The following CEACAM1 variants were observed in gnomAD, a reference collection of about 807,000 sequenced individuals.
CEACAM1 encodes cell adhesion molecule CEACAM1.
In CEACAM1, 31 loss-of-function variants were observed where a neutral mutation model predicts 49.1. The observed-to-expected ratio is 0.63, with a 90% CI of 0.47 to 0.85. The LOEUF (loss-of-function observed/expected upper bound fraction) is 0.85, where lower values mean the gene tolerates loss of function less well. Ranked by LOEUF, CEACAM1 falls within the 40% of genes least tolerant of loss-of-function variation. The pLI is 0.00. For synonymous variants in CEACAM1, 244 were observed against 247.8 expected (o/e 0.98, Z 0.14); for missense variants, 570 against 645.3 (o/e 0.88, Z 1.26).
At chr19:42,524,454 G>C (rs2147804725) in intron 2 of CEACAM1, among the ~76,000 whole-genome samples, 1 of 152,306 alleles carries the variant, frequency 6.6e-6, no homozygotes, top group African/African-American at 2.4e-5. Flanking sequence ...AGAGTGTATG[G>C]AGGAGTCGCT....
intron 5 of CEACAM1, among the ~76,000 whole-genome samples, chr19:42,517,610 A>T (rs1031920534): frequency 2.6e-5 from 4 of 152,240 alleles, no homozygotes; most frequent in Non-Finnish European, 5.9e-5. Context: ...TGCAAATCAA[A>T]ACTCCAATGA....
chr19:42,514,114 C>T (rs887573684), intron 5 of CEACAM1, among the ~76,000 whole-genome samples: 16 of 148,204 alleles, frequency 1.1e-4, no homozygotes, highest in Non-Finnish European at 2.4e-4. Context: ...TGCCACCACA[C>T]CTGGCTAATT....
rs377492728 is a variant in CEACAM1, at chr19:42,527,375, C to T, written c.90G>A (p.Pro30=). ...CAGTAGTGAGCTGGGCAGTGGTGGG[C>T]GGGTTCCAGAAGGTTAGAAGTGAGG... ...LTASLLTFWN[P]PTTAQLTTES... The change falls in exon 2 of 9, where the codon CCG becomes CCA. Residue 30 remains proline, a synonymous_variant. Transcript: ENST00000161559. 1.0e-4 allele frequency: 166 copies of T among 1,606,198 alleles called. 1 individual carries two copies. In the South Asian group the frequency reaches 1.3e-3, roughly 12 times the overall value.
In CEACAM1 at chr19:42,508,798, G is replaced by C. The variant is rs1197081975; in HGVS notation, c.*311C>G. 5.9e-6 allele frequency: 2 copies of C among 340,756 alleles called. No individual in the cohort carries two copies. The highest frequency in any genetic ancestry group is 1.1e-5 in the Non-Finnish European group (2 of 181,548). 21.1% of individuals were successfully genotyped at this position (340,756 alleles called of 1,614,324 possible). ...AGGAATGAGTGCTCTGAACAGGCAA[G>C]TTTAAAACAAGTCCAGGTTGGGAAA... On this transcript the variant is annotated 3_prime_UTR_variant, in exon 9 of 9. Transcript: ENST00000161559.
In CEACAM1 at chr19:42,512,371, A is replaced by G; in HGVS notation, c.1355T>C (p.Leu452Pro). 1 of 1,614,138 alleles carries G rather than the reference A, an allele frequency of 6.2e-7. No individual in the cohort carries two copies. Among genetic ancestry groups the G allele is most frequent in the Non-Finnish European group, 8.5e-7 (1 of 1,179,966 alleles). The change falls in exon 6 of 9, where the codon CTG becomes CCG. Residue 452 changes from leucine to proline, a missense_variant. By Grantham distance (98) the Leu-to-Pro change is moderately conservative. Transcript: ENST00000161559. ...ATACCTGCCGGTCTTCCCGAAATGC[A>G]GAAAACATGCCAGGGCTACTGCTAT... ...ALIAVALACF[L>P]HFGKTGRASD...
In CEACAM1 at chr19:42,522,111, C is replaced by T; in HGVS notation, c.516G>A (p.Gln172=). ...TTATCCACCACAGGTAGGTTGTGTC[C>T]TGAGTCTCAGGTTCACAGGTGAAGG... is the stretch of plus-strand genomic sequence containing the variant. ...AVAFTCEPET[Q]DTTYLWWINN... Residue 172 remains glutamine, a synonymous_variant, in exon 3 of 9, where the codon CAG becomes CAA. Transcript: ENST00000161559. 6.2e-7 allele frequency: 1 copy of T among 1,614,186 alleles called. No homozygotes were observed.
chr19:42,523,104 C>G (rs2041800285), intron 2 of CEACAM1, among the ~76,000 whole-genome samples: 2 of 152,204 alleles, frequency 1.3e-5, no homozygotes. Flanking sequence ...GCCTGACCCA[C>G]CTGTGGGTCC....
chr19:42,509,387 G>A (rs2041400011), intron 8 of CEACAM1, among the ~76,000 whole-genome samples, 159 bp from the exon 9 acceptor site: 1 of 152,146 alleles, frequency 6.6e-6, no homozygotes. Context: ...ACCTCCTGAT[G>A]AATGATCATT....
At position 42,508,527 on chromosome 19, in the gene CEACAM1, G is replaced by A. The variant is rs2041381168; in HGVS notation, c.*582C>T. Reference sequence around the variant, plus strand: ...TTCTAGCTAAGCACCAAGGTGCTTAGACCCTGATCCTACAGGTAGACAACC... The same window carrying A: ...TTCTAGCTAAGCACCAAGGTGCTTAAACCCTGATCCTACAGGTAGACAACC... On this transcript the variant is annotated 3_prime_UTR_variant, in exon 9 of 9. Coordinates refer to ENST00000161559, the MANE Select transcript of CEACAM1 (RefSeq NM_001712.5). 6.5e-6 allele frequency: 1 copy of A among 152,912 alleles called. No individual in the cohort carries two copies. Among genetic ancestry groups the A allele is most frequent in the Admixed American group, 6.5e-5 (1 of 15,414 alleles). The allele number at this position is 152,912 out of a possible 1,614,324, so 9.5% of individuals were successfully genotyped here.
At chr19:42,511,163 G>T in intron 7 of CEACAM1, 1 of 586,348 alleles carries the variant, frequency 1.7e-6, no homozygotes, top group Non-Finnish European at 3.0e-6. Context: ...CTTGATTTTT[G>T]CCCAGATGTG....
chr19:42,521,171 T>A (rs1027326866), intron 4 of CEACAM1, 96 bp downstream of exon 4: 18 of 1,381,808 alleles, frequency 1.3e-5, no homozygotes, highest in Non-Finnish European at 1.8e-5. Flanking sequence ...GCCTGTTGGA[T>A]ACAGGCTGCA....
intron 1 of CEACAM1, chr19:42,527,794 A>T: frequency 4.9e-6 from 1 of 204,512 alleles, no homozygotes; most frequent in South Asian, 1.0e-4. Flanking sequence ...CTGACCTCAC[A>T]TTCTAGATCT....
At chr19:42,515,752 T>C (rs2041584907) in intron 5 of CEACAM1, among the ~76,000 whole-genome samples, 1 of 152,146 alleles carries the variant, frequency 6.6e-6, no homozygotes. Context: ...TTCAAATTAC[T>C]AAAGTCAGAA....
At chr19:42,521,228 A>AC (rs745830665) in intron 4 of CEACAM1, 39 bp downstream of exon 4, 3 of 1,602,158 alleles carry the variant, frequency 1.9e-6, no homozygotes, top group African/African-American at 1.3e-5. Flanking sequence ...GAAAGCTTGT[A>AC]CCCCAGATCT....
chr19:42,512,363 C>T lies in CEACAM1; in HGVS notation c.1363G>A (p.Gly455Arg), dbSNP rs751861689. 5.8e-5 allele frequency: 93 copies of T among 1,614,014 alleles called. No homozygotes were observed. The highest frequency in any genetic ancestry group is 2.5e-4 in the East Asian group (11 of 44,876). The change falls in exon 6 of 9, where the codon GGG (glycine) becomes AGG (arginine). Residue 455 changes from glycine (G) to arginine (R), a missense_variant. Transcript: ENST00000161559. ...AGGCCATCATACCTGCCGGTCTTCC[C>T]GAAATGCAGAAAACATGCCAGGGCT... ...AVALACFLHF[G>R]KTGRASDQRD...
intron 8 of CEACAM1, among the ~76,000 whole-genome samples, chr19:42,510,108 C>T (rs1437790033): frequency 6.6e-6 from 1 of 151,610 alleles, no homozygotes; most frequent in African/African-American, 2.4e-5. Context: ...TTTTTTGAGA[C>T]AGAGTTTCCC....
At chr19:42,511,477 C>G in intron 7 of CEACAM1, 99 bp downstream of exon 7, 1 of 1,006,166 alleles carries the variant, frequency 9.9e-7, no homozygotes. Context: ...TGTGAAAATT[C>G]AGAAGGGAGG....
In CEACAM1 at chr19:42,507,543, A is replaced by G. The variant is rs2041364656; in HGVS notation, c.*1566T>C. 6.6e-6 allele frequency: 1 copy of G among 152,220 alleles called. No homozygotes were observed. The highest frequency in any genetic ancestry group is 1.5e-5 in the Non-Finnish European group (1 of 68,040). 9.4% of individuals were successfully genotyped at this position (152,220 alleles called of 1,614,324 possible). ...TAACATGAGATCAGGTAAGCAATAT[A>G]GAATAAAACCTTTCTCTTAGCCCCA... On this transcript the variant is annotated 3_prime_UTR_variant, in exon 9 of 9. Transcript: ENST00000161559.
rs186572785 is a variant in CEACAM1, at chr19:42,514,200, C to T, written c.1247-1721G>A. 2.5e-4 allele frequency among the ~76,000 whole-genome samples: 38 copies of T among 149,720 alleles called. 1 individual carries two copies. The highest frequency in any genetic ancestry group is 8.4e-4 in the African/African-American group (34 of 40,368). On this transcript the variant is annotated intron_variant, in intron 5 of 8. Transcript: ENST00000161559. Reference sequence around the variant, plus strand: ...AGGCTAGAGTGCAATGGCGTGATCTCGGCTCACTGCAACCTCTGCCTCCCA... The same window carrying T: ...AGGCTAGAGTGCAATGGCGTGATCTTGGCTCACTGCAACCTCTGCCTCCCA...
Sources: allele counts gnomAD v4.1 joint callset (sites outside exome capture counted in the v4.1 genomes callset), GRCh38; gene constraint gnomAD v4.1.1; transcripts MANE v1.5; gene names NCBI Gene and HGNC (gene_info 2026-07-23, HGNC 2026-07-21).